Variants in MYO5A observed in about 807,000 individuals in gnomAD.
MYO5A encodes myosin VA, also known as unconventional myosin-Va.
MYO5A carries 98 observed loss-of-function variants against 249.7 expected under a neutral mutation model. The ratio of observed to expected loss-of-function variants is 0.39; its 90% CI spans 0.33 to 0.46. The LOEUF is 0.46. Ranked by LOEUF, MYO5A falls within the 20% of genes least tolerant of loss-of-function variation. The pLI, the probability that MYO5A is intolerant of heterozygous loss-of-function variation, is 0.98. For missense variants in MYO5A, 1,696 were observed against 2,308.8 expected, an observed-to-expected ratio of 0.73 and a Z score of 5.44; for synonymous variants, 778 against 810.6, an observed-to-expected ratio of 0.96 and a Z score of 0.68.
intron 36 of MYO5A, chr15:52,323,855 T>C (rs2038450943): frequency 3.8e-6 from 1 of 264,292 alleles, no homozygotes; most frequent in Non-Finnish European, 7.4e-6. Context: ...AATACAAAAA[T>C]TAGCTGGGTG....
intron 35 of MYO5A, 38 bp from the exon 36 acceptor site, chr15:52,328,044 A>C: frequency 6.5e-7 from 1 of 1,547,804 alleles, no homozygotes; most frequent in Non-Finnish European, 8.9e-7. Context: ...ATAACATGGA[A>C]AATTTTCACG....
Position 52,471,429 on chromosome 15 carries a change from C to G in MYO5A, c.28-38144G>C, listed in dbSNP as rs115733368. 9.0e-3 allele frequency among the ~76,000 whole-genome samples: 1,374 copies of G among 151,910 alleles called. 17 individuals carry two copies. The highest frequency in any genetic ancestry group is 0.032 in the African/African-American group (1,310 of 41,462). On this transcript the variant is annotated intron_variant, in intron 1 of 41. Transcript: ENST00000399233. Reference sequence around the variant, plus strand: ...GACCAGCCTCGGCAACATAGTGAGACTCTGTCTCATTTGAAAAAAGAAAAA... The same window carrying G: ...GACCAGCCTCGGCAACATAGTGAGAGTCTGTCTCATTTGAAAAAAGAAAAA...
chr15:52,521,733 A>G (rs955278823), intron 1 of MYO5A, among the ~76,000 whole-genome samples: 6 of 152,258 alleles, frequency 3.9e-5, no homozygotes, highest in South Asian at 4.1e-4. Flanking sequence ...CTGCTAGTTA[A>G]AAAGAATTCC....
At chr15:52,379,973 CTCAG>C (rs1567070029) in intron 16 of MYO5A, 65 bp from the exon 17 acceptor site, 54 of 1,523,182 alleles carry the variant, frequency 3.5e-5, no homozygotes, top group Non-Finnish European at 4.3e-5. Flanking sequence ...AATTACTCTC[CTCAG>C]TCAGGGTGTA....
chr15:52,307,452 A>T lies in MYO5A; in HGVS notation c.*6244T>A, dbSNP rs949889304. ...TAGCACTAGGTGATATCTAGTGAAA[A>T]CCCATGTTTCAAAGGCTTTTGTTGA... On this transcript the variant is annotated 3_prime_UTR_variant, in exon 42 of 42. Transcript: ENST00000399233. 2.0e-5 allele frequency: 3 copies of T among 152,162 alleles called. No individual in the cohort carries two copies. The highest frequency in any genetic ancestry group is 4.8e-5 in the African/African-American group (2 of 41,440). The allele number at this position is 152,162 out of a possible 1,614,324, so 9.4% of individuals were successfully genotyped here.
intron 7 of MYO5A, 50 bp downstream of exon 7, chr15:52,408,009 A>G: frequency 5.0e-6 from 6 of 1,206,466 alleles, no homozygotes; most frequent in Non-Finnish European, 7.4e-6. Flanking sequence ...GGAACTTGGA[A>G]ATTAACAGAA....
At chr15:52,370,557 T>G (rs1489236621) in intron 21 of MYO5A, 140 bp from the exon 22 acceptor site, 14 of 837,950 alleles carry the variant, frequency 1.7e-5, no homozygotes, top group African/African-American at 1.7e-5. Flanking sequence ...ACTACAACAT[T>G]TGCAATAGCA....
intron 1 of MYO5A, among the ~76,000 whole-genome samples, chr15:52,520,324 G>C (rs1339644936): frequency 1.3e-5 from 2 of 152,162 alleles, no homozygotes; most frequent in African/African-American, 2.4e-5. Flanking sequence ...GGTGAGCACA[G>C]ACTTGACCAC....
At chr15:52,402,405 T>C (rs1476125368) in intron 9 of MYO5A, among the ~76,000 whole-genome samples, 1 of 152,158 alleles carries the variant, frequency 6.6e-6, no homozygotes, top group African/African-American at 2.4e-5. Context: ...GGAGTCTTTG[T>C]GTTCCCCTGT....
intron 41 of MYO5A, 85 bp from the exon 42 acceptor site, chr15:52,313,933 A>C: frequency 6.7e-7 from 1 of 1,497,190 alleles, no homozygotes. Flanking sequence ...CTACCCTCAA[A>C]TTCTCAACTA....
At chr15:52,521,643 C>T (rs2077623682) in intron 1 of MYO5A, among the ~76,000 whole-genome samples, 1 of 152,082 alleles carries the variant, frequency 6.6e-6, no homozygotes, top group South Asian at 2.1e-4. Flanking sequence ...ATTTTGAAAT[C>T]AAAAAATAAT....
At chr15:52,323,879 C>G (rs1034931067) in intron 36 of MYO5A, 2 of 232,236 alleles carry the variant, frequency 8.6e-6, no homozygotes, top group African/African-American at 4.6e-5. Context: ...TGGCATATGC[C>G]TGTAATCCCA....
At chr15:52,518,704 G>C (rs1430173205) in intron 1 of MYO5A, among the ~76,000 whole-genome samples, 1 of 152,170 alleles carries the variant, frequency 6.6e-6, no homozygotes, top group Admixed American at 6.5e-5. Context: ...ATGCAGACCA[G>C]TATGGTAAGC....
intron 3 of MYO5A, among the ~76,000 whole-genome samples, chr15:52,427,967 G>C (rs1567116291): frequency 6.6e-6 from 1 of 152,154 alleles, no homozygotes; most frequent in Non-Finnish European, 1.5e-5. Context: ...GCAAGCAGGA[G>C]TGAGCAAGAC....
intron 1 of MYO5A, among the ~76,000 whole-genome samples, chr15:52,485,457 G>A (rs1213830645): frequency 1.3e-5 from 2 of 152,194 alleles, no homozygotes; most frequent in Non-Finnish European, 1.5e-5. Context: ...ATCTCTGCAC[G>A]AGACCTCTGA....
Position 52,390,940 on chromosome 15 carries a change from T to C in MYO5A, c.1542+990A>G, listed in dbSNP as rs139117382. On this transcript the variant is annotated intron_variant, in intron 12 of 41. Transcript: ENST00000399233. ...TGCATTTTTTTCAGCTTTGCAACAGTAGTATTCTCTGCATTATTTATGGCT... is the reference window on the plus strand; with the variant it reads ...TGCATTTTTTTCAGCTTTGCAACAGCAGTATTCTCTGCATTATTTATGGCT... 4.3e-4 allele frequency among the ~76,000 whole-genome samples: 66 copies of C among 152,276 alleles called. 1 individual carries two copies. In the East Asian group the frequency reaches 6.9e-3, roughly 16 times the overall value.
intron 12 of MYO5A, among the ~76,000 whole-genome samples, chr15:52,390,744 T>G (rs2042195332): frequency 6.6e-6 from 1 of 151,814 alleles, no homozygotes; most frequent in East Asian, 1.9e-4. Flanking sequence ...TATTTTTTTG[T>G]AGACGGGGTT....
intron 5 of MYO5A, 69 bp from the exon 6 acceptor site, chr15:52,410,545 CAG>C (rs2043202705): frequency 2.8e-6 from 4 of 1,443,346 alleles, no homozygotes; most frequent in South Asian, 1.1e-5. Flanking sequence ...AGAATCTGCT[CAG>C]AGAGAGAAAA....
At chr15:52,337,930 G>C in intron 32 of MYO5A, 46 bp from the exon 33 acceptor site, 1 of 1,302,114 alleles carries the variant, frequency 7.7e-7, no homozygotes, top group Non-Finnish European at 1.1e-6. Context: ...CTGTGTGTTT[G>C]AGGGAAATGC....
Sources: allele counts gnomAD v4.1 joint callset (sites outside exome capture counted in the v4.1 genomes callset), GRCh38; gene constraint gnomAD v4.1.1; transcripts MANE v1.5; gene names NCBI Gene and HGNC (gene_info 2026-07-23, HGNC 2026-07-21).